WDCP: variants seen among roughly 807,000 people sequenced by gnomAD.
WDCP encodes WD repeat and coiled-coil-containing protein.
WDCP carries 19 observed loss-of-function variants against 41.6 expected under a neutral mutation model. The ratio of observed to expected loss-of-function variants is 0.46; its 90% CI spans 0.32 to 0.67. The LOEUF is 0.67. Ranked by LOEUF, WDCP falls within the 30% of genes least tolerant of loss-of-function variation. The probability of loss-of-function intolerance (pLI) is 0.04; values close to 1 mark genes in which losing one functional copy is unlikely to be tolerated. For synonymous variants in WDCP, 302 were observed against 320.8 expected (o/e 0.94, Z 0.63); for missense variants, 802 against 850.7 (o/e 0.94, Z 0.71).
intron 2 of WDCP, chr2:24,033,259 TA>T: frequency 2.1e-6 from 1 of 485,646 alleles, no homozygotes; most frequent in Non-Finnish European, 4.1e-6. Flanking sequence ...AATCTGACGG[TA>T]AGAACACCTT....
intron 2 of WDCP, among the ~76,000 whole-genome samples, chr2:24,034,754 C>T (rs1444631505): frequency 2.6e-5 from 4 of 151,682 alleles, no homozygotes; most frequent in South Asian, 2.1e-4. Flanking sequence ...TTGTATTTTT[C>T]GGTAGAGACA....
At chr2:24,040,970 C>G (rs562856600) in intron 1 of WDCP, among the ~76,000 whole-genome samples, 1 of 151,572 alleles carries the variant, frequency 6.6e-6, no homozygotes, top group African/African-American at 2.4e-5. Flanking sequence ...GAGCTGAGAT[C>G]GTGCCATTGC....
In WDCP at chr2:24,038,879, C is replaced by A; in HGVS notation, c.616G>T (p.Val206Phe). 6.2e-7 allele frequency: 1 copy of A among 1,614,218 alleles called. No individual in the cohort carries two copies. The highest frequency in any genetic ancestry group is 8.5e-7 in the Non-Finnish European group (1 of 1,180,030). Residue 206 changes from valine to phenylalanine, a missense_variant, in exon 2 of 4, where the codon GTC becomes TTC. Around this residue, in one of 5 missense-constraint regions of WDCP, gnomAD observed 214 missense variants for 252.9 expected, o/e 0.85. Coordinates refer to ENST00000295148, the MANE Select transcript of WDCP (RefSeq NM_025203.3). The part of the protein sequence containing the change: ...SCLVFDVDSH[V>F]CSITATVDSQ... ...TCCACAGTTGCTGTGATGGAGCAGA[C>A]GTGGCTGTCCACATCAAACACCAGG... is the stretch of plus-strand genomic sequence containing the variant.
chr2:24,038,816 T>C lies in WDCP; in HGVS notation c.679A>G (p.Lys227Glu). The change falls in exon 2 of 4, where the codon AAG (lysine) becomes GAG (glutamate). Residue 227 changes from lysine (K) to glutamate (E), a missense_variant. Physicochemically the swap from Lys to Glu is moderately conservative, Grantham distance 56. Coordinates refer to ENST00000295148, the MANE Select transcript of WDCP (RefSeq NM_025203.3). ...VAIATELPLD[K>E]ICGLNASETF... ...TCAGATGCATTTAAGCCACAGATCT[T>C]ATCCAATGGAAGCTCAGTAGCTATA... 1 of 1,614,234 alleles carries C rather than the reference T, an allele frequency of 6.2e-7. No homozygotes were observed. Among genetic ancestry groups the C allele is most frequent in the East Asian group, 2.2e-5 (1 of 44,892 alleles).
intron 2 of WDCP, chr2:24,033,256 C>T (rs1010688686): frequency 8.2e-6 from 4 of 487,158 alleles, no homozygotes; most frequent in South Asian, 1.6e-5. Context: ...CACAATCTGA[C>T]GGTAAGAACA....
chr2:24,037,489 C>T (rs756748377), intron 2 of WDCP, among the ~76,000 whole-genome samples, 188 bp downstream of exon 2: 7 of 152,168 alleles, frequency 4.6e-5, no homozygotes, highest in Non-Finnish European at 7.3e-5. Context: ...CTGATATGTG[C>T]GCCTATCTGG....
chr2:24,044,613 G>A (rs1312375519), intron 1 of WDCP, among the ~76,000 whole-genome samples: 2 of 151,882 alleles, frequency 1.3e-5, no homozygotes, highest in South Asian at 2.1e-4. Flanking sequence ...TGTCATCTTC[G>A]GTAACAAGAA....
At chr2:24,040,091 G>A (rs973642849) in intron 1 of WDCP, among the ~76,000 whole-genome samples, 24 of 152,016 alleles carry the variant, frequency 1.6e-4, no homozygotes, top group South Asian at 2.1e-4. Context: ...ATGAGCTCCC[G>A]CGCCCGGCCA....
At chr2:24,035,649 T>A (rs1663221539) in intron 2 of WDCP, among the ~76,000 whole-genome samples, 1 of 152,020 alleles carries the variant, frequency 6.6e-6, no homozygotes, top group Non-Finnish European at 1.5e-5. Context: ...GTGCAGTGGC[T>A]CACACCTGTA....
At chr2:24,040,970 C>A (rs562856600) in intron 1 of WDCP, among the ~76,000 whole-genome samples, 1 of 151,572 alleles carries the variant, frequency 6.6e-6, no homozygotes, top group Non-Finnish European at 1.5e-5. Context: ...GAGCTGAGAT[C>A]GTGCCATTGC....
Position 24,038,859 on chromosome 2 carries a change from A to G in WDCP, c.636T>C (p.Thr212=), listed in dbSNP as rs1347049712. 1 of 1,614,250 alleles carries G rather than the reference A, an allele frequency of 6.2e-7. No homozygotes were observed. The highest frequency in any genetic ancestry group is 1.1e-5 in the South Asian group (1 of 91,088). The change falls in exon 2 of 4, where the codon ACT becomes ACC. Residue 212 remains threonine, a synonymous_variant. Transcript: ENST00000295148. The part of the protein sequence containing the change: ...VDSHVCSITA[T]VDSQVAIATE... Reference sequence around the variant, plus strand: ...TAGCTATAGCAACCTGTGAGTCCACAGTTGCTGTGATGGAGCAGACGTGGC... The same window carrying G: ...TAGCTATAGCAACCTGTGAGTCCACGGTTGCTGTGATGGAGCAGACGTGGC...
rs529917974 is a variant in WDCP, at chr2:24,046,354, G to A, written c.-19+960C>T. Among the ~76,000 whole-genome samples the A allele has an allele frequency of 3.3e-5, 5 of 152,256 alleles. No homozygotes were observed. The South Asian group carries it at 6.2e-4, about 19-fold the overall frequency. On this transcript the variant is annotated intron_variant, in intron 1 of 3. Transcript: ENST00000295148. ...AAATGCTCTTCAGGCATTCCCCAAC[G>A]CTACTGATTTTGCCTGAAACTAATT...
chr2:24,036,654 G>A (rs1663266211), intron 2 of WDCP, among the ~76,000 whole-genome samples: 1 of 152,188 alleles, frequency 6.6e-6, no homozygotes, highest in South Asian at 2.1e-4. Context: ...GCATCATTTG[G>A]AGTAGCTAAA....
chr2:24,040,617 T>G (rs1446227239), intron 1 of WDCP, among the ~76,000 whole-genome samples: 1 of 152,270 alleles, frequency 6.6e-6, no homozygotes, highest in Non-Finnish European at 1.5e-5. Context: ...TATTGCATTT[T>G]ATCTTACAAT....
intron 1 of WDCP, among the ~76,000 whole-genome samples, 184 bp from the exon 2 acceptor site, chr2:24,039,696 T>A (rs1663365286): frequency 6.6e-6 from 1 of 152,232 alleles, no homozygotes; most frequent in African/African-American, 2.4e-5. Context: ...GTATATACTT[T>A]GGATCTTGAA....
chr2:24,031,714 T>C (rs2150946418), intron 3 of WDCP, among the ~76,000 whole-genome samples: 1 of 152,052 alleles, frequency 6.6e-6, no homozygotes. Flanking sequence ...TAGTCCCAGC[T>C]ACTCGGGAGG....
intron 1 of WDCP, among the ~76,000 whole-genome samples, chr2:24,044,322 TGCAGTGGCATGATCTGG>T (rs1663546345): frequency 6.6e-6 from 1 of 151,880 alleles, no homozygotes; most frequent in Non-Finnish European, 1.5e-5. Context: ...CAGGCTGGAG[TGCAGTGGCATGATCTGG>T]GCTCACTGCA....
chr2:24,040,420 T>G (rs543831348), intron 1 of WDCP, among the ~76,000 whole-genome samples: 4 of 152,356 alleles, frequency 2.6e-5, no homozygotes, highest in Middle Eastern at 3.4e-3. Flanking sequence ...TATTCGTCCT[T>G]TCACTGCCAA....
intron 1 of WDCP, among the ~76,000 whole-genome samples, chr2:24,046,788 C>T (rs973139494): frequency 6.6e-6 from 1 of 152,162 alleles, no homozygotes; most frequent in Non-Finnish European, 1.5e-5. Flanking sequence ...TGACTAATCC[C>T]TCTAGACTCT....
Sources: gnomAD v4.1 joint callset for allele counts (sites outside exome capture counted in the v4.1 genomes callset) on GRCh38, gnomAD v4.1.1 for gene constraint, gnomAD v4.1.1 regional missense constraint, MANE v1.5 for transcripts, NCBI Gene and HGNC (gene_info 2026-07-23, HGNC 2026-07-21) for gene names.